The following MLF2 variants were observed in gnomAD, a reference collection of about 807,000 sequenced individuals.
MLF2 encodes myelodysplasia-myeloid leukemia factor 2.
Under a neutral mutation model 31.4 loss-of-function variants are expected in MLF2, and 12 were observed. The ratio of observed to expected loss-of-function variants is 0.38; its 90% confidence interval spans 0.24 to 0.62. The LOEUF is 0.62. MLF2 is among the 20% of genes least tolerant of loss of function. The pLI, the probability that MLF2 is intolerant of heterozygous loss-of-function variation, is 0.58. For synonymous variants in MLF2, 109 were observed against 118.8 expected (o/e 0.92, Z 0.54); for missense variants, 272 against 359.7 (o/e 0.76, Z 1.97).
In MLF2 at chr12:6,749,668, TC is replaced by T. The variant is rs1417151776; in HGVS notation, c.559+179del. On this transcript the variant is annotated intron_variant, in intron 7 of 8. Transcript: ENST00000203630. This position sits in a 1 kb window ranked among gnomAD's most constrained non-coding sequence, Gnocchi z 5.3. ...AGGCGGAGGTTGCAGTGAGCTGAGA[TC>T]GCGCCACTGCACTCCAGCCTGGGCA... 8.5e-5 allele frequency: 66 copies of T among 772,658 alleles called. No homozygotes were observed. Among genetic ancestry groups the T allele is most frequent in the Non-Finnish European group, 1.1e-4 (53 of 492,716 alleles). The allele number at this position is 772,658 out of a possible 1,614,324, so 47.9% of individuals were successfully genotyped here. A position where few individuals can be genotyped will look rare whatever the true frequency, so the allele number is the denominator to read the frequency against.
chr12:6,751,286 C>T lies in MLF2; in HGVS notation c.216+355G>A, dbSNP rs149153625. On this transcript the variant is annotated intron_variant, in intron 4 of 8. Coordinates refer to ENST00000203630, the MANE Select transcript of MLF2 (RefSeq NM_001382226.1). ...AGGCTGGAGGGCAGTGGCGCAGTCT[C>T]GGCTCACTGCAATCTCCACCTCCCG... 2.2e-3 allele frequency: 624 copies of T among 284,998 alleles called. 2 individuals carry two copies. The highest frequency in any genetic ancestry group is 4.3e-3 in the Admixed American group (87 of 20,290). 17.7% of individuals were successfully genotyped at this position (284,998 alleles called of 1,614,324 possible). A position where few individuals can be genotyped will look rare whatever the true frequency, so the allele number is the denominator to read the frequency against.
In MLF2 at chr12:6,751,983, A is replaced by T; in HGVS notation, c.122T>A (p.Leu41His). ...TGGCATGTTGCCATCTGTGATGCTG[A>T]GGAAGGGGCTATATCCAAAGCCACC... ...LSGGFGYSPF[L>H]SITDGNMPGT... The change falls in exon 3 of 9, where the codon CTC becomes CAC. Residue 41 changes from leucine to histidine, a missense_variant. Coordinates refer to ENST00000203630, the MANE Select transcript of MLF2 (RefSeq NM_001382226.1). 1 of 1,614,226 alleles carries T rather than the reference A, an allele frequency of 6.2e-7. No homozygotes were observed. The highest frequency in any genetic ancestry group is 8.5e-7 in the Non-Finnish European group (1 of 1,180,048).
rs1052689948 is a variant in MLF2, at chr12:6,749,812, G to C, written c.559+36C>G. The C allele has an allele frequency of 2.5e-6, 4 of 1,611,864 alleles. No homozygotes were observed. Among genetic ancestry groups the C allele is most frequent in the Admixed American group, 1.7e-5 (1 of 59,996 alleles). ...AGGGATGTCCACGGGAACCGGGTTA[G>C]GGGCTGCCAGCCAGGAAGCGGGAGG... On this transcript the variant is annotated intron_variant, in intron 7 of 8. Coordinates refer to ENST00000203630, the MANE Select transcript of MLF2 (RefSeq NM_001382226.1). The surrounding 1 kb of genome is among the most constrained non-coding windows in gnomAD (Gnocchi z 5.3).
chr12:6,749,966 T>C lies in MLF2; in HGVS notation c.441A>G (p.Gly147=). Residue 147 remains glycine, a synonymous_variant, in exon 7 of 9, where the codon GGA becomes GGG. Transcript: ENST00000203630. This position sits in a 1 kb window ranked among gnomAD's most constrained non-coding sequence, Gnocchi z 5.3. ...GATGCCCAATGGACATCTGCTCCAG[T>C]CCACTGTCTGAATCCCGAACAGTCC... ...TRRTVRDSDS[G]LEQMSIGHHI... is the part of the protein sequence containing the mutation. 1 of 1,614,178 alleles carries C rather than the reference T, an allele frequency of 6.2e-7. No individual in the cohort carries two copies. Among genetic ancestry groups the C allele is most frequent in the Non-Finnish European group, 8.5e-7 (1 of 1,180,036 alleles).
rs1941595178 is a variant in MLF2 at position 6,750,305 on chromosome 12, C to T, written c.271G>A (p.Glu91Lys). The T allele has an allele frequency of 6.2e-7, 1 of 1,613,758 alleles. No individual in the cohort carries two copies. Residue 91 changes from glutamate (E) to lysine (K), a missense_variant and splice_region_variant, in exon 6 of 9, where the codon GAA becomes AAA. Coordinates refer to ENST00000203630, the MANE Select transcript of MLF2 (RefSeq NM_001382226.1). The surrounding 1 kb of genome is among the most constrained non-coding windows in gnomAD (Gnocchi z 5.3). ...GMMNDMIGNMEHMTAGGNCQT... is the reference protein window; with the variant it reads ...GMMNDMIGNMKHMTAGGNCQT... ...CAATTGCCTCCAGCTGTCATGTGTT[C>T]CTGAGGACAGGGTAGGTAGGGGAGG...
Position 6,752,138 on chromosome 12 carries a change from C to A in MLF2, c.51-84G>T. On this transcript the variant is annotated intron_variant, in intron 2 of 8. Coordinates refer to ENST00000203630, the MANE Select transcript of MLF2 (RefSeq NM_001382226.1). The surrounding 1 kb of genome is among the most constrained non-coding windows in gnomAD (Gnocchi z 4.6). ...ACCCTGCAAAAAAATACGCACAGAGCAACAGTGGCACCGATGCCTACTTCC... is the reference window on the plus strand; with the variant it reads ...ACCCTGCAAAAAAATACGCACAGAGAAACAGTGGCACCGATGCCTACTTCC... 6.3e-7 allele frequency: 1 copy of A among 1,594,182 alleles called. No individual in the cohort carries two copies. Among genetic ancestry groups the A allele is most frequent in the Non-Finnish European group, 8.6e-7 (1 of 1,166,294 alleles).
rs1456623481 is a variant in MLF2 at position 6,752,460 on chromosome 12, G to C, written c.-28-98C>G. 2.0e-6 allele frequency: 2 copies of C among 978,200 alleles called. No homozygotes were observed. The highest frequency in any genetic ancestry group is 3.1e-6 in the Non-Finnish European group (2 of 654,858). The allele number at this position is 978,200 out of a possible 1,614,324, so 60.6% of individuals were successfully genotyped here. A position where few individuals can be genotyped will look rare whatever the true frequency, so the allele number is the denominator to read the frequency against. The stretch of plus-strand genomic sequence containing the variant: ...CAGAGCACTGTCCTTTCCAAATCCT[G>C]TAACTGACCCCCTAAACTCCAGGGA... On this transcript the variant is annotated intron_variant, in intron 1 of 8. Transcript: ENST00000203630. The surrounding 1 kb of genome is among the most constrained non-coding windows in gnomAD (Gnocchi z 4.6).
In MLF2 at chr12:6,752,964, C is replaced by T; in HGVS notation, c.-54G>A. 1 of 261,050 alleles carries T rather than the reference C, an allele frequency of 3.8e-6. No homozygotes were observed. The highest frequency in any genetic ancestry group is 7.2e-6 in the Non-Finnish European group (1 of 138,630). 16.2% of individuals were successfully genotyped at this position (261,050 alleles called of 1,614,324 possible). On this transcript the variant is annotated 5_prime_UTR_variant, in exon 1 of 9. Transcript: ENST00000203630. The surrounding 1 kb of genome is among the most constrained non-coding windows in gnomAD (Gnocchi z 4.6). The stretch of plus-strand genomic sequence containing the variant: ...CAGTGCCCGATTCGGGCTCAGCGGC[C>T]CATCCGGCCGGTTTCGCTTCCCGGT...
rs1279436215 is a variant in MLF2 at position 6,748,615 on chromosome 12, TG to T, written c.*26-69del. 5.3e-6 allele frequency: 3 copies of T among 566,338 alleles called. No individual in the cohort carries two copies. The highest frequency in any genetic ancestry group is 2.0e-5 in the African/African-American group (1 of 50,704). 35.1% of individuals were successfully genotyped at this position (566,338 alleles called of 1,614,324 possible). A position where few individuals can be genotyped will look rare whatever the true frequency, so the allele number is the denominator to read the frequency against. On this transcript the variant is annotated intron_variant, in intron 8 of 8. Coordinates refer to ENST00000203630, the MANE Select transcript of MLF2 (RefSeq NM_001382226.1). The surrounding 1 kb of genome is among the most constrained non-coding windows in gnomAD (Gnocchi z 4.6). ...AAAACTTACGTTAAGAGCCAGGAGT[TG>T]GGGTTTAATCCCCTATGTCAGTGAG... is the stretch of plus-strand genomic sequence containing the variant.
Position 6,748,880 on chromosome 12 carries a change from C to T in MLF2, c.662G>A (p.Gly221Glu). 5 of 1,599,074 alleles carry T rather than the reference C, an allele frequency of 3.1e-6. No individual in the cohort carries two copies. Among genetic ancestry groups the T allele is most frequent in the Non-Finnish European group, 4.3e-6 (5 of 1,174,174 alleles). The change falls in exon 8 of 9, where the codon GGA becomes GAA. Residue 221 changes from glycine to glutamate, a missense_variant. Transcript: ENST00000203630. This position sits in a 1 kb window ranked among gnomAD's most constrained non-coding sequence, Gnocchi z 4.6. ...FRRLESSGAG[G>E]RRAEGPPRLA... ...GCGGGGAGGCCCCTCCGCCCTTCGTCCCCCAGCCCCTGAGGACTCAAGCCG... is the reference window on the plus strand; with the variant it reads ...GCGGGGAGGCCCCTCCGCCCTTCGTTCCCCAGCCCCTGAGGACTCAAGCCG...
chr12:6,752,622 A>C lies in MLF2; in HGVS notation c.-28-260T>G. On this transcript the variant is annotated intron_variant, in intron 1 of 8. Transcript: ENST00000203630. This position sits in a 1 kb window ranked among gnomAD's most constrained non-coding sequence, Gnocchi z 4.6. The stretch of plus-strand genomic sequence containing the variant: ...CCCACTCAGAGCCATCCTCTTCCCA[A>C]AGCTCTGGCCGGTAGCATACTCTCC... The C allele has an allele frequency of 2.6e-6, 1 of 378,108 alleles. No individual in the cohort carries two copies. Among genetic ancestry groups the C allele is most frequent in the Non-Finnish European group, 4.9e-6 (1 of 204,100 alleles). The allele number at this position is 378,108 out of a possible 1,614,324, so 23.4% of individuals were successfully genotyped here. A position where few individuals can be genotyped will look rare whatever the true frequency, so the allele number is the denominator to read the frequency against.
chr12:6,753,044 C>G lies in MLF2; in HGVS notation c.-134G>C. The stretch of plus-strand genomic sequence containing the variant: ...ACGTGGGGATTGGTCCGGGCTTGAG[C>G]TCCTCGGCCTTCCACGCCGCCTCCT... On this transcript the variant is annotated 5_prime_UTR_variant, in exon 1 of 9. Transcript: ENST00000203630. 2.7e-6 allele frequency: 1 copy of G among 374,168 alleles called. No individual in the cohort carries two copies. The highest frequency in any genetic ancestry group is 4.7e-6 in the Non-Finnish European group (1 of 210,742). 23.2% of individuals were successfully genotyped at this position (374,168 alleles called of 1,614,324 possible).
At position 6,752,245 on chromosome 12, in the gene MLF2, G is replaced by A; in HGVS notation, c.50+40C>T. On this transcript the variant is annotated intron_variant, in intron 2 of 8. Transcript: ENST00000203630. The surrounding 1 kb of genome is among the most constrained non-coding windows in gnomAD (Gnocchi z 4.6). ...CCGATGTCTGCCTGAACTGCTCAGA[G>A]ACCTGGAGTGGGAGAGCTTGAGGGG... 2 of 1,555,634 alleles carry A rather than the reference G, an allele frequency of 1.3e-6. No homozygotes were observed. Among genetic ancestry groups the A allele is most frequent in the Admixed American group, 1.9e-5 (1 of 51,520 alleles).
rs774650683 is a variant in MLF2 at position 6,750,031 on chromosome 12, C to T, written c.400-24G>A. ...ATCTGGGATGAGGCAGAACGTGGCA[C>T]ACTCAGCCGCCCCTTCCAAAGCCCT... On this transcript the variant is annotated intron_variant, in intron 6 of 8. Transcript: ENST00000203630. The surrounding 1 kb of genome is among the most constrained non-coding windows in gnomAD (Gnocchi z 5.3). 1 of 1,613,712 alleles carries T rather than the reference C, an allele frequency of 6.2e-7. No individual in the cohort carries two copies. The highest frequency in any genetic ancestry group is 1.7e-5 in the Admixed American group (1 of 60,024).
chr12:6,750,399 T>G lies in MLF2; in HGVS notation c.271-94A>C, dbSNP rs1941596308. On this transcript the variant is annotated intron_variant, in intron 5 of 8. Transcript: ENST00000203630. The surrounding 1 kb of genome is among the most constrained non-coding windows in gnomAD (Gnocchi z 5.3). The stretch of plus-strand genomic sequence containing the variant: ...TCAGCTGCCTGTTCTAGCCTGTATC[T>G]TTCTCACAAAATGCAAGAACTGAAA... 2 of 1,462,756 alleles carry G rather than the reference T, an allele frequency of 1.4e-6. No individual in the cohort carries two copies. The highest frequency in any genetic ancestry group is 2.2e-5 in the Admixed American group (1 of 46,336). 90.6% of individuals were successfully genotyped at this position (1,462,756 alleles called of 1,614,324 possible). A position where few individuals can be genotyped will look rare whatever the true frequency, so the allele number is the denominator to read the frequency against.
chr12:6,751,876 C>A, intron 3 of MLF2, 49 bp downstream of exon 3: 1 of 1,608,236 alleles, frequency 6.2e-7, no homozygotes. Flanking sequence ...GCTTTCCTAA[C>A]TAACCTCCAA....
chr12:6,752,771 A>C lies in MLF2; in HGVS notation c.-29+168T>G. Reference sequence around the variant, plus strand: ...GGCCTCCCCCAGGCGGGCCTCACTAAGCCCCCCGCGCCTGTCTGCGACTCC... The same window carrying C: ...GGCCTCCCCCAGGCGGGCCTCACTACGCCCCCCGCGCCTGTCTGCGACTCC... On this transcript the variant is annotated intron_variant, in intron 1 of 8. Transcript: ENST00000203630. The surrounding 1 kb of genome is among the most constrained non-coding windows in gnomAD (Gnocchi z 4.6). 1 of 168,462 alleles carries C rather than the reference A, an allele frequency of 5.9e-6. No individual in the cohort carries two copies. The highest frequency in any genetic ancestry group is 1.3e-5 in the Non-Finnish European group (1 of 78,234). 10.4% of individuals were successfully genotyped at this position (168,462 alleles called of 1,614,324 possible).
chr12:6,750,644 T>G lies in MLF2; in HGVS notation c.270+69A>C. ...CTAGCATACTGTTTCCCTCTTGCCT[T>G]AGAGGATGCAAGGTGTTGTCAGCCA... is the stretch of plus-strand genomic sequence containing the variant. On this transcript the variant is annotated intron_variant, in intron 5 of 8. Transcript: ENST00000203630. This position sits in a 1 kb window ranked among gnomAD's most constrained non-coding sequence, Gnocchi z 5.3. The G allele has an allele frequency of 1.3e-6, 2 of 1,502,424 alleles. No homozygotes were observed. The highest frequency in any genetic ancestry group is 1.9e-6 in the Non-Finnish European group (2 of 1,079,504). The allele number at this position is 1,502,424 out of a possible 1,614,324, so 93.1% of individuals were successfully genotyped here.
chr12:6,751,455 A>G (rs1941613254), intron 4 of MLF2, among the ~76,000 whole-genome samples, 186 bp downstream of exon 4: 1 of 152,092 alleles, frequency 6.6e-6, no homozygotes, highest in South Asian at 2.1e-4. Flanking sequence ...GCCTCCCAAC[A>G]AGAGTTTAAC....
Sources: gnomAD v4.1 joint callset for allele counts (sites outside exome capture counted in the v4.1 genomes callset) on GRCh38, gnomAD v4.1.1 for gene constraint, Gnocchi (gnomAD v3.1) non-coding constraint, MANE v1.5 for transcripts, NCBI Gene and HGNC (gene_info 2026-07-23, HGNC 2026-07-21) for gene names.